The following ZFPM2 variants were observed in gnomAD, a reference collection of about 807,000 sequenced individuals.
ZFPM2 encodes zinc finger protein ZFPM2.
In ZFPM2, 20 loss-of-function variants were observed where a neutral mutation model predicts 98.6. The observed-to-expected ratio is 0.20, with a 90% CI of 0.14 to 0.29. ZFPM2 has a LOEUF of 0.29. Ranked by LOEUF, ZFPM2 falls within the 10% of genes least tolerant of loss-of-function variation. The pLI, the probability that ZFPM2 is intolerant of heterozygous loss-of-function variation, is 1.00. For synonymous variants in ZFPM2, 518 were observed against 502.7 expected (o/e 1.03, Z -0.41); for missense variants, 1,310 against 1,388.6 (o/e 0.94, Z 0.90).
intron 3 of ZFPM2, among the ~76,000 whole-genome samples, chr8:105,512,519 C>G (rs1293653463): frequency 1.3e-5 from 2 of 152,152 alleles, no homozygotes; most frequent in Non-Finnish European, 2.9e-5. Context: ...TTTTTTATCA[C>G]TAGGTATTCA....
At chr8:105,474,951 A>G (rs1469671439) in intron 3 of ZFPM2, among the ~76,000 whole-genome samples, 1 of 152,186 alleles carries the variant, frequency 6.6e-6, no homozygotes, top group Non-Finnish European at 1.5e-5. Context: ...AAAGCACCTT[A>G]TTCTGTGATT....
chr8:105,664,321 T>TTGTG (rs148523592), intron 5 of ZFPM2, among the ~76,000 whole-genome samples: 3,846 of 144,576 alleles, frequency 0.027, 99 homozygotes, highest in African/African-American at 0.064. Flanking sequence ...CATAAAATTC[T>TTGTG]TGTGTGTGTG....
chr8:105,583,250 A>G (rs1443021628), intron 4 of ZFPM2, among the ~76,000 whole-genome samples: 1 of 152,062 alleles, frequency 6.6e-6, no homozygotes, highest in African/African-American at 2.4e-5. Flanking sequence ...TGATATTTGC[A>G]TATTTGATTA....
chr8:105,687,145 T>A (rs1345745905), intron 5 of ZFPM2, among the ~76,000 whole-genome samples: 2 of 152,300 alleles, frequency 1.3e-5, no homozygotes, highest in South Asian at 2.1e-4. Flanking sequence ...AACATGACTG[T>A]GGAAGCCACA....
At chr8:105,415,147 C>T (rs1811656494) in intron 1 of ZFPM2, 1 of 152,120 alleles carries the variant, frequency 6.6e-6, no homozygotes, top group Non-Finnish European at 1.5e-5. Flanking sequence ...ACTTTGCACT[C>T]ACCAGAATTT....
intron 5 of ZFPM2, among the ~76,000 whole-genome samples, chr8:105,742,395 A>T (rs1462957395): frequency 6.6e-6 from 1 of 151,628 alleles, no homozygotes; most frequent in African/African-American, 2.4e-5. Flanking sequence ...AAAAAAAAAA[A>T]AAAAGGTGTT....
intron 5 of ZFPM2, among the ~76,000 whole-genome samples, chr8:105,673,584 C>A (rs956103654): frequency 2.0e-5 from 3 of 152,056 alleles, no homozygotes; most frequent in Admixed American, 2.0e-4. Context: ...GTGAACACTG[C>A]CAGCTAGGTT....
intron 3 of ZFPM2, among the ~76,000 whole-genome samples, chr8:105,550,927 T>C (rs1051597170): frequency 2.0e-5 from 3 of 152,172 alleles, no homozygotes; most frequent in African/African-American, 7.2e-5. Flanking sequence ...ATGTGTAACT[T>C]AAGAATATAT....
chr8:105,490,062 C>T lies in ZFPM2; in HGVS notation c.301+45681C>T, dbSNP rs1205832209. ...AGGGGTTCAAGACCAGCCCGACCAA[C>T]ATGGTGAAACCCCGTCTCTACTAAA... On this transcript the variant is annotated intron_variant, in intron 3 of 7. Transcript: ENST00000407775. Among the ~76,000 whole-genome samples the T allele has an allele frequency of 2.0e-5, 3 of 151,984 alleles. 1 individual carries two copies.
intron 4 of ZFPM2, among the ~76,000 whole-genome samples, chr8:105,582,024 G>A (rs1815613099): frequency 6.6e-6 from 1 of 152,184 alleles, no homozygotes; most frequent in African/African-American, 2.4e-5. Flanking sequence ...ATCAATATTT[G>A]AAAATGTGCC....
Position 105,624,938 on chromosome 8 carries a change from T to C in ZFPM2, c.421-9308T>C, listed in dbSNP as rs534580621. Among the ~76,000 whole-genome samples the C allele has an allele frequency of 1.4e-3, 211 of 152,312 alleles. 1 individual carries two copies. The highest frequency in any genetic ancestry group is 3.4e-3 in the Admixed American group (52 of 15,294). ...CATTTTGTTTTTGAAAAGTCTCTTA[T>C]CATATTTGAGATCCCACATACCACA... is the stretch of plus-strand genomic sequence containing the variant. On this transcript the variant is annotated intron_variant, in intron 4 of 7. Coordinates refer to ENST00000407775, the MANE Select transcript of ZFPM2 (RefSeq NM_012082.4).
At chr8:105,585,308 G>T (rs1221417416) in intron 4 of ZFPM2, among the ~76,000 whole-genome samples, 1 of 152,102 alleles carries the variant, frequency 6.6e-6, no homozygotes, top group African/African-American at 2.4e-5. Context: ...TTGTGGTTTT[G>T]TTTTATTAGT....
chr8:105,647,248 T>C, intron 5 of ZFPM2, among the ~76,000 whole-genome samples: 1 of 152,326 alleles, frequency 6.6e-6, no homozygotes, highest in African/African-American at 2.4e-5. Context: ...CCCTGTCTCT[T>C]TGCCCTTATC....
intron 4 of ZFPM2, among the ~76,000 whole-genome samples, chr8:105,617,474 G>T (rs903644422): frequency 6.6e-6 from 1 of 152,104 alleles, no homozygotes; most frequent in Non-Finnish European, 1.5e-5. Flanking sequence ...CCATCAGTGC[G>T]CCTAGATTTG....
At chr8:105,613,124 T>A (rs150900589) in intron 4 of ZFPM2, among the ~76,000 whole-genome samples, 3 of 152,320 alleles carry the variant, frequency 2.0e-5, no homozygotes, top group African/African-American at 7.2e-5. Flanking sequence ...GTAATAATAA[T>A]TAACAGCAGG....
At chr8:105,412,590 A>G (rs1473452095) in intron 1 of ZFPM2, among the ~76,000 whole-genome samples, 1 of 151,844 alleles carries the variant, frequency 6.6e-6, no homozygotes, top group African/African-American at 2.4e-5. Context: ...AAAAATTAAT[A>G]AAAATGTTTC....
At chr8:105,758,757 GA>G (rs1476720348) in intron 5 of ZFPM2, among the ~76,000 whole-genome samples, 1 of 151,952 alleles carries the variant, frequency 6.6e-6, no homozygotes, top group East Asian at 1.9e-4. Flanking sequence ...GAGTGTTATA[GA>G]AAGCTAGGGC....
chr8:105,471,085 A>T (rs1812894141), intron 3 of ZFPM2, among the ~76,000 whole-genome samples: 1 of 152,064 alleles, frequency 6.6e-6, no homozygotes, highest in South Asian at 2.1e-4. Flanking sequence ...TATTCCTTTA[A>T]CTTTTCTCAC....
intron 5 of ZFPM2, among the ~76,000 whole-genome samples, chr8:105,678,243 G>A (rs1810514184): frequency 6.6e-6 from 1 of 152,088 alleles, no homozygotes; most frequent in South Asian, 2.1e-4. Flanking sequence ...TGCTTTTCCA[G>A]ATTTTATTTC....
Sources: allele counts gnomAD v4.1 joint callset (sites outside exome capture counted in the v4.1 genomes callset), GRCh38; gene constraint gnomAD v4.1.1; transcripts MANE v1.5; gene names NCBI Gene and HGNC (gene_info 2026-07-23, HGNC 2026-07-21).